The following LHX8 variants were observed in gnomAD, a reference collection of about 807,000 sequenced individuals.
The protein encoded by LHX8 is LIM/homeobox protein Lhx8.
In LHX8, 12 loss-of-function variants were observed where a neutral mutation model predicts 40.3. The ratio of observed to expected loss-of-function variants is 0.30; its 90% CI spans 0.19 to 0.48. The LOEUF (loss-of-function observed/expected upper bound fraction) is 0.48, where lower values mean the gene tolerates loss of function less well. LHX8 is among the 20% of genes least tolerant of loss of function. The pLI is 0.99. For synonymous variants in LHX8, 179 were observed against 162.0 expected, an observed-to-expected ratio of 1.10 and a Z score of -0.80; for missense variants, 344 against 433.7, an observed-to-expected ratio of 0.79 and a Z score of 1.84.
chr1:75,143,675 A>G (rs1648380929), intron 5 of LHX8, among the ~76,000 whole-genome samples, 170 bp from the exon 6 acceptor site: 1 of 152,194 alleles, frequency 6.6e-6, no homozygotes, highest in Admixed American at 6.6e-5. Flanking sequence ...CTGTAAGTGG[A>G]ATATTTTTTG....
intron 7 of LHX8, among the ~76,000 whole-genome samples, chr1:75,149,456 T>A (rs1648546786): frequency 6.6e-6 from 1 of 152,198 alleles, no homozygotes; most frequent in South Asian, 2.1e-4. Flanking sequence ...GTTGGAAGGC[T>A]GGAATGCCCA....
chr1:75,140,323 T>G (rs1267048076), intron 3 of LHX8, among the ~76,000 whole-genome samples: 1 of 152,200 alleles, frequency 6.6e-6, no homozygotes, highest in Non-Finnish European at 1.5e-5. Flanking sequence ...TATTTTTTTC[T>G]CCTGTAGCCA....
At chr1:75,135,509 G>A (rs1453760741) in intron 1 of LHX8, among the ~76,000 whole-genome samples, 1 of 152,200 alleles carries the variant, frequency 6.6e-6, no homozygotes, top group African/African-American at 2.4e-5. Flanking sequence ...CCGACGGTCC[G>A]GGAGGCCCCC....
the LHX8 span, among the ~76,000 whole-genome samples, chr1:75,199,354 G>A: frequency 6.6e-6 from 1 of 152,174 alleles, no homozygotes; most frequent in African/African-American, 2.4e-5. Flanking sequence ...CTGCCTGGAA[G>A]AATGTGGAGA....
At chr1:75,155,151 G>A (rs556254404) in intron 7 of LHX8, among the ~76,000 whole-genome samples, 14 of 150,272 alleles carry the variant, frequency 9.3e-5, no homozygotes, top group East Asian at 3.9e-4. Context: ...TTATCCCTTC[G>A]CCTCTCTTTC....
rs1233618557 is a variant in LHX8 at position 75,141,006 on chromosome 1, G to A, written c.259G>A (p.Val87Ile). 6.2e-7 allele frequency: 1 copy of A among 1,613,446 alleles called. No individual in the cohort carries two copies. Among genetic ancestry groups the A allele is most frequent in the Non-Finnish European group, 8.5e-7 (1 of 1,179,632 alleles). The change falls in exon 4 of 9, where the codon GTC becomes ATC. Residue 87 changes from valine to isoleucine, a missense_variant. Transcript: ENST00000356261. Reference protein sequence around the residue: ...LLKVNDLCWHVRCLSCSVCRT... With the variant: ...LLKVNDLCWHIRCLSCSVCRT... ...ACAGGTGAATGACCTATGCTGGCATGTCCGGTGTCTCTCCTGCAGTGTTTG... is the reference window on the plus strand; with the variant it reads ...ACAGGTGAATGACCTATGCTGGCATATCCGGTGTCTCTCCTGCAGTGTTTG...
chr1:75,148,853 A>G (rs1049853814), intron 7 of LHX8, among the ~76,000 whole-genome samples, 171 bp downstream of exon 7: 2 of 152,126 alleles, frequency 1.3e-5, no homozygotes, highest in Admixed American at 1.3e-4. Context: ...CAGGTGATTA[A>G]CTTAAAGGTC....
intron 6 of LHX8, among the ~76,000 whole-genome samples, chr1:75,144,433 C>T (rs568155664): frequency 3.3e-5 from 5 of 152,014 alleles, no homozygotes; most frequent in Non-Finnish European, 7.4e-5. Flanking sequence ...ATTGAAAGTG[C>T]CTTAAAGTAA....
At position 75,144,792 on chromosome 1, in the gene LHX8, T is replaced by C. The variant is rs569904343; in HGVS notation, c.684+844T>C. On this transcript the variant is annotated intron_variant, in intron 6 of 8. Transcript: ENST00000356261. ...GCCTATCACACTGCTGGGTACCTTA[T>C]ACATAGTATCCATCTTAGCTCAGAC... Among the ~76,000 whole-genome samples the C allele has an allele frequency of 3.3e-5, 5 of 152,264 alleles. No homozygotes were observed. In the East Asian group the frequency reaches 7.7e-4, roughly 24 times the overall value.
the LHX8 span, among the ~76,000 whole-genome samples, chr1:75,199,426 A>G: frequency 6.6e-6 from 1 of 152,216 alleles, no homozygotes; most frequent in African/African-American, 2.4e-5. Flanking sequence ...AAGTACAATG[A>G]AAACATCTTT....
Position 75,134,771 on chromosome 1 carries a change from TA to T in LHX8, c.-193del. 1 of 244,474 alleles carries T rather than the reference TA, an allele frequency of 4.1e-6. No homozygotes were observed. Among genetic ancestry groups the T allele is most frequent in the Non-Finnish European group, 6.6e-6 (1 of 152,276 alleles). The allele number at this position is 244,474 out of a possible 1,614,324, so 15.1% of individuals were successfully genotyped here. On this transcript the variant is annotated 5_prime_UTR_variant, in exon 1 of 9. Coordinates refer to ENST00000356261, the MANE Select transcript of LHX8 (RefSeq NM_001256114.2). ...TTGAAACTCGAGTTGTTTGGGCTCC[TA>T]AACAAGGTTCAGAAACTACCTGTAA...
At chr1:75,162,262 T>TC (rs905145138), downstream of LHX8, among the ~76,000 whole-genome samples, 3 of 152,018 alleles carry the variant, frequency 2.0e-5, no homozygotes, top group East Asian at 5.8e-4. Context: ...ATTTTTTTTT[T>TC]TTTAAACCGG....
chr1:75,129,033 A>G (rs1474252764), intron 1 of LHX8, among the ~76,000 whole-genome samples: 1 of 152,186 alleles, frequency 6.6e-6, no homozygotes, highest in East Asian at 1.9e-4. Context: ...TAGAGAGGTG[A>G]AGGAGGATGT....
At chr1:75,130,949 T>C, upstream of LHX8, 1 of 631,990 alleles carries the variant, frequency 1.6e-6, no homozygotes, top group Non-Finnish European at 2.9e-6. Context: ...ATCCGCACCT[T>C]CTTATGATCG....
the LHX8 span, among the ~76,000 whole-genome samples, chr1:75,167,765 A>AT: frequency 6.6e-6 from 1 of 152,176 alleles, no homozygotes; most frequent in Non-Finnish European, 1.5e-5. Flanking sequence ...GCCATGGTTA[A>AT]TTTACTCCAT....
chr1:75,147,313 A>G (rs947550187), intron 6 of LHX8, among the ~76,000 whole-genome samples: 6 of 152,140 alleles, frequency 3.9e-5, no homozygotes, highest in Non-Finnish European at 8.8e-5. Flanking sequence ...TTTTTTCTAC[A>G]CTGTCTTCAG....
chr1:75,180,255 A>T, the LHX8 span, among the ~76,000 whole-genome samples: 1 of 152,198 alleles, frequency 6.6e-6, no homozygotes, highest in Non-Finnish European at 1.5e-5. Context: ...AGACTGGGGA[A>T]GTTCTCCTGG....
At chr1:75,192,685 A>T in the LHX8 span, among the ~76,000 whole-genome samples, 1 of 147,538 alleles carries the variant, frequency 6.8e-6, no homozygotes, top group East Asian at 1.9e-4. Context: ...TCCAGGCGCT[A>T]TGCTTTTGTT....
the LHX8 span, among the ~76,000 whole-genome samples, chr1:75,175,956 A>C: frequency 6.6e-6 from 1 of 152,166 alleles, no homozygotes; most frequent in African/African-American, 2.4e-5. Context: ...TTTGCTTAGA[A>C]TGATGGTTTC....
Sources: gnomAD v4.1 joint callset for allele counts (sites outside exome capture counted in the v4.1 genomes callset) on GRCh38, gnomAD v4.1.1 for gene constraint, MANE v1.5 for transcripts, NCBI Gene and HGNC (gene_info 2026-07-23, HGNC 2026-07-21) for gene names.